Variants in SYTL2 observed in about 807,000 individuals in gnomAD.
The protein encoded by SYTL2 is synaptotagmin like 2, also known as synaptotagmin-like protein 2.
SYTL2 carries 165 observed loss-of-function variants against 198.7 expected under a neutral mutation model. The observed-to-expected ratio is 0.83, with a 90% CI of 0.73 to 0.94. The LOEUF (loss-of-function observed/expected upper bound fraction) is 0.94, where lower values mean the gene tolerates loss of function less well. Among genes scored for constraint, SYTL2 ranks in the 40% least tolerant of loss-of-function variants. The probability of loss-of-function intolerance (pLI) is 0.00; values close to 1 mark genes in which losing one functional copy is unlikely to be tolerated. For missense variants in SYTL2, 2,835 were observed against 2,582.8 expected, an observed-to-expected ratio of 1.10 and a Z score of -2.12; for synonymous variants, 966 against 917.7, an observed-to-expected ratio of 1.05 and a Z score of -0.95.
chr11:85,702,296 C>G (rs1236657354), intron 16 of SYTL2, among the ~76,000 whole-genome samples: 1 of 151,150 alleles, frequency 6.6e-6, no homozygotes, highest in Non-Finnish European at 1.5e-5. Context: ...TTCAAGTGAT[C>G]CTCCCATTTC....
At chr11:85,714,813 G>T (rs11234388) in intron 11 of SYTL2, 23,694 of 533,776 alleles carry the variant, frequency 0.044, 720 homozygotes, top group East Asian at 0.1. Flanking sequence ...AATTGGTTTA[G>T]CTTATTTTTT....
chr11:85,801,987 T>C (rs1359760749), intron 1 of SYTL2, among the ~76,000 whole-genome samples: 1 of 151,036 alleles, frequency 6.6e-6, no homozygotes, highest in Non-Finnish European at 1.5e-5. Context: ...GCTAAGTTTT[T>C]GTATTTTTAG....
intron 1 of SYTL2, among the ~76,000 whole-genome samples, chr11:85,766,642 A>T (rs1438017416): frequency 6.6e-6 from 1 of 152,158 alleles, no homozygotes; most frequent in African/African-American, 2.4e-5. Context: ...GCAGGCCCAG[A>T]TCTCATTCTG....
chr11:85,724,506 T>C lies in SYTL2; in HGVS notation c.4852A>G (p.Thr1618Ala). The change falls in exon 8 of 20, where the codon ACC becomes GCC. Residue 1618 changes from threonine to alanine, a missense_variant. Physicochemically the swap from Thr to Ala is moderately conservative, Grantham distance 58. Around this residue, in one of 3 missense-constraint regions of SYTL2, gnomAD observed 2,645 missense variants for 2,381.7 expected, o/e 1.11. Coordinates refer to ENST00000359152, the MANE Select transcript of SYTL2 (RefSeq NM_206927.4). The part of the protein sequence containing the change: ...VPHFYRAASQ[T>A]SEMKDKSNGL... ...TTACTTTTATCCTTCATTTCAGAGG[T>C]CTGTGAGGCTGCCCTGTAAAAATGG... 1.2e-6 allele frequency: 2 copies of C among 1,613,896 alleles called. No individual in the cohort carries two copies. Among genetic ancestry groups the C allele is most frequent in the Non-Finnish European group, 1.7e-6 (2 of 1,179,978 alleles).
chr11:85,846,164 C>T, the SYTL2 span, among the ~76,000 whole-genome samples: 1 of 152,190 alleles, frequency 6.6e-6, no homozygotes, highest in South Asian at 2.1e-4. Context: ...CTATACTCAG[C>T]CTCTCCAGCA....
intron 1 of SYTL2, among the ~76,000 whole-genome samples, chr11:85,764,626 A>AT (rs1443812472): frequency 6.6e-6 from 1 of 152,192 alleles, no homozygotes; most frequent in African/African-American, 2.4e-5. Context: ...CCCTCTGTAC[A>AT]TTTGACTTTG....
rs1591510123 is a variant in SYTL2, at chr11:85,695,399, G to C, written c.6575-59C>G. ...CAGCTCATTGGGGGTAGGGGAAAGA[G>C]GGAAAGTTATTCCCTAATTATAACC... is the stretch of plus-strand genomic sequence containing the variant. On this transcript the variant is annotated intron_variant, in intron 19 of 19. Coordinates refer to ENST00000359152, the MANE Select transcript of SYTL2 (RefSeq NM_206927.4). 7 of 1,418,618 alleles carry C rather than the reference G, an allele frequency of 4.9e-6. No homozygotes were observed. The East Asian group carries it at 1.7e-4, about 34-fold the overall frequency. 87.9% of individuals were successfully genotyped at this position (1,418,618 alleles called of 1,614,324 possible).
chr11:85,774,773 T>C (rs921790826), intron 1 of SYTL2, among the ~76,000 whole-genome samples: 1 of 152,176 alleles, frequency 6.6e-6, no homozygotes, highest in East Asian at 1.9e-4. Context: ...AGCTTTATAG[T>C]ATTAATCAAA....
chr11:85,728,370 T>C (rs1324911004), intron 7 of SYTL2, among the ~76,000 whole-genome samples: 1 of 152,128 alleles, frequency 6.6e-6, no homozygotes, highest in African/African-American at 2.4e-5. Context: ...CACTGCAACC[T>C]CCGCCTCCCA....
At chr11:85,819,438 A>T in the SYTL2 span, among the ~76,000 whole-genome samples, 3 of 152,176 alleles carry the variant, frequency 2.0e-5, no homozygotes, top group African/African-American at 7.2e-5. Flanking sequence ...GGCTGCACTC[A>T]GCTGAGAGCT....
intron 9 of SYTL2, among the ~76,000 whole-genome samples, chr11:85,719,698 A>AT (rs949034237): frequency 5.3e-5 from 8 of 152,052 alleles, no homozygotes; most frequent in Non-Finnish European, 1.2e-4. Context: ...GATTTTTAAG[A>AT]TCCCTTCTAA....
At chr11:85,804,959 G>C (rs997093312) in intron 1 of SYTL2, among the ~76,000 whole-genome samples, 15 of 152,112 alleles carry the variant, frequency 9.9e-5, no homozygotes, top group African/African-American at 3.6e-4. Context: ...GTAAGTCTTT[G>C]GTCAACCACC....
chr11:85,742,618 A>T (rs940970954), intron 4 of SYTL2, among the ~76,000 whole-genome samples: 2 of 152,248 alleles, frequency 1.3e-5, no homozygotes, highest in South Asian at 4.1e-4. Flanking sequence ...TATAGCAAAC[A>T]TGATCGACGG....
chr11:85,740,645 A>T (rs1481668783), intron 4 of SYTL2, among the ~76,000 whole-genome samples: 1 of 152,206 alleles, frequency 6.6e-6, no homozygotes. Flanking sequence ...CCACATGATA[A>T]GATTTTTAAA....
intron 8 of SYTL2, 34 bp from the exon 9 acceptor site, chr11:85,720,993 A>G: frequency 7.7e-7 from 1 of 1,293,778 alleles, no homozygotes; most frequent in African/African-American, 1.5e-5. Context: ...ACACTGCACA[A>G]TACCAAAAAA....
rs574511891 is a variant in SYTL2 at position 85,779,744 on chromosome 11, G to C, written c.-389-21630C>G. Among the ~76,000 whole-genome samples the C allele has an allele frequency of 3.9e-5, 6 of 151,900 alleles. No homozygotes were observed. The South Asian group carries it at 1.2e-3, about 32-fold the overall frequency. Reference sequence around the variant, plus strand: ...CTTCAGTTTCAGAAGAAGAAAAACAGTCATTTTATAAATTTTTAATCAACA... The same window carrying C: ...CTTCAGTTTCAGAAGAAGAAAAACACTCATTTTATAAATTTTTAATCAACA... On this transcript the variant is annotated intron_variant, in intron 1 of 19. Coordinates refer to ENST00000359152, the MANE Select transcript of SYTL2 (RefSeq NM_206927.4).
chr11:85,766,380 T>C (rs1566003033), intron 1 of SYTL2, among the ~76,000 whole-genome samples: 1 of 152,234 alleles, frequency 6.6e-6, no homozygotes. Flanking sequence ...ACTTCATACC[T>C]GAGCTGAAAA....
At chr11:85,714,270 T>C in intron 12 of SYTL2, 143 bp downstream of exon 12, 1 of 633,014 alleles carries the variant, frequency 1.6e-6, no homozygotes, top group Non-Finnish European at 2.8e-6. Flanking sequence ...TGAACAACAC[T>C]ACTTCTATTG....
Position 85,726,334 on chromosome 11 carries a change from G to C in SYTL2, c.3024C>G (p.Ser1008Arg). The change falls in exon 8 of 20, where the codon AGC (serine) becomes AGG (arginine). Residue 1008 changes from serine (S) to arginine (R), a missense_variant. Physicochemically the swap from Ser to Arg is moderately radical, Grantham distance 110. Around this residue, in one of 3 missense-constraint regions of SYTL2, gnomAD observed 2,645 missense variants for 2,381.7 expected, o/e 1.11. Coordinates refer to ENST00000359152, the MANE Select transcript of SYTL2 (RefSeq NM_206927.4). The part of the protein sequence containing the change: ...KDNDKNITTT[S>R]QKNSAPFNRQ... Reference sequence around the variant, plus strand: ...TATTAAAAGGTGCAGAATTTTTTTGGCTTGTGGTGGTAATATTCTTGTCAT... The same window carrying C: ...TATTAAAAGGTGCAGAATTTTTTTGCCTTGTGGTGGTAATATTCTTGTCAT... 1 of 1,613,768 alleles carries C rather than the reference G, an allele frequency of 6.2e-7. No individual in the cohort carries two copies.
Sources: gnomAD v4.1 joint callset for allele counts (sites outside exome capture counted in the v4.1 genomes callset) on GRCh38, gnomAD v4.1.1 for gene constraint, gnomAD v4.1.1 regional missense constraint, MANE v1.5 for transcripts, NCBI Gene and HGNC (gene_info 2026-07-23, HGNC 2026-07-21) for gene names.